COL6A2: variants seen among roughly 807,000 people sequenced by gnomAD.
COL6A2 encodes collagen type VI alpha 2 chain.
Under a neutral mutation model 124.9 loss-of-function variants are expected in COL6A2, and 90 were observed. The ratio of observed to expected loss-of-function variants is 0.72; its 90% confidence interval spans 0.61 to 0.86. The LOEUF is 0.86. Among genes scored for constraint, COL6A2 ranks in the 40% least tolerant of loss-of-function variants. The pLI, the probability that COL6A2 is intolerant of heterozygous loss-of-function variation, is 0.00. For synonymous variants in COL6A2, 793 were observed against 618.2 expected (o/e 1.28, Z -4.19); for missense variants, 1,607 against 1,502.5 (o/e 1.07, Z -1.15).
Position 46,118,533 on chromosome 21 carries a change from G to T in COL6A2, c.1117-81G>T, listed in dbSNP as rs566788041. 32 of 1,368,864 alleles carry T rather than the reference G, an allele frequency of 2.3e-5. 1 individual carries two copies. The South Asian group carries it at 3.9e-4, about 17-fold the overall frequency. 84.8% of individuals were successfully genotyped at this position (1,368,864 alleles called of 1,614,324 possible). ...GAGGTGCAGTCCCAAGCCCGACCGT[G>T]GGTCCTGCCCCCGCAGCGGGCATCC... is the stretch of plus-strand genomic sequence containing the variant. On this transcript the variant is annotated intron_variant, in intron 12 of 27. Coordinates refer to ENST00000300527, the MANE Select transcript of COL6A2 (RefSeq NM_001849.4).
At chr21:46,128,538 C>T (rs2078709392) in intron 27 of COL6A2, among the ~76,000 whole-genome samples, 1 of 152,228 alleles carries the variant, frequency 6.6e-6, no homozygotes, top group Non-Finnish European at 1.5e-5. Context: ...AGCCCAGCCA[C>T]CCTGGGCCTG....
At position 46,113,297 on chromosome 21, in the gene COL6A2, A is replaced by G. The variant is rs559647379; in HGVS notation, c.735+473A>G. On this transcript the variant is annotated intron_variant, in intron 4 of 27. Coordinates refer to ENST00000300527, the MANE Select transcript of COL6A2 (RefSeq NM_001849.4). ...TGCCTCAGAATCGCTGCTCAGTAAC[A>G]GTGGTTTCATTGCCGTGTACAAATG... Among the ~76,000 whole-genome samples, 11 of 152,264 alleles carry G rather than the reference A, an allele frequency of 7.2e-5. No homozygotes were observed. The South Asian group carries it at 1.9e-3, about 26-fold the overall frequency.
intron 1 of COL6A2, 78 bp from the exon 2 acceptor site, chr21:46,111,372 G>A: frequency 1.3e-6 from 1 of 783,698 alleles, no homozygotes; most frequent in Non-Finnish European, 2.2e-6. Context: ...CTGACCTGCT[G>A]TGCGTGCGCC....
chr21:46,110,688 T>C (rs3810590), intron 1 of COL6A2, among the ~76,000 whole-genome samples: 74,796 of 151,926 alleles, frequency 0.49, 19,097 homozygotes, highest in Admixed American at 0.59. Flanking sequence ...ATCCCTGCAT[T>C]ACCCCTGGAA....
intron 18 of COL6A2, 124 bp from the exon 19 acceptor site, chr21:46,121,984 C>A: frequency 9.8e-7 from 1 of 1,018,754 alleles, no homozygotes; most frequent in Non-Finnish European, 1.5e-6. Context: ...CTGCTCACAG[C>A]CAGAACTCGA....
Position 46,132,126 on chromosome 21 carries a change from G to A in COL6A2, c.2634G>A (p.Ala878=), listed in dbSNP as rs143749884. ...ACGACCCTCTCAACGCACGCGTGGC[G>A]CTGCTGCAGTTTGGTGGCCCCGGCG... ...RDDDPLNARV[A]LLQFGGPGEQ... The change falls in exon 28 of 28, where the codon GCG becomes GCA. Residue 878 remains alanine, a synonymous_variant. Transcript: ENST00000300527. 482 of 1,579,578 alleles carry A rather than the reference G, an allele frequency of 3.1e-4. 3 individuals are homozygous for A. The South Asian group carries it at 4.7e-3, about 16-fold the overall frequency.
At position 46,126,664 on chromosome 21, in the gene COL6A2, G is replaced by A. The variant is rs773925592; in HGVS notation, c.2461+123G>A. The A allele has an allele frequency of 2.1e-3, 2,505 of 1,180,738 alleles. 7 individuals carry two copies. The highest frequency in any genetic ancestry group is 2.6e-3 in the Non-Finnish European group (2,109 of 813,550). The allele number at this position is 1,180,738 out of a possible 1,614,324, so 73.1% of individuals were successfully genotyped here. ...ACCCGGGGGGCGGCGGAGCCACTGC[G>A]GAGGCTGCTCCTTAGGGAGATGGCC... On this transcript the variant is annotated intron_variant, in intron 27 of 27. Transcript: ENST00000300527.
chr21:46,113,045 C>A, intron 4 of COL6A2: 3 of 625,788 alleles, frequency 4.8e-6, no homozygotes, highest in Non-Finnish European at 8.5e-6. Flanking sequence ...GGGTCACCCA[C>A]AGAGCACGTG....
At chr21:46,129,841 C>T in intron 27 of COL6A2, 1 of 1,081,168 alleles carries the variant, frequency 9.2e-7, no homozygotes, top group Non-Finnish European at 1.1e-6. Flanking sequence ...TCAGGTCACC[C>T]TCACAGGCTC....
intron 21 of COL6A2, among the ~76,000 whole-genome samples, chr21:46,123,889 CAGTGGATAGATGGATGGGTGGGTGGATA>C (rs2078612180): frequency 1.0e-4 from 2 of 19,532 alleles, no homozygotes; most frequent in Admixed American, 1.3e-3. Context: ...ATGGGTGAGT[CAGTGGATAGATGGATGGGTGGGTGGATA>C]GAGGATGGAT....
Position 46,116,371 on chromosome 21 carries a change from C to T in COL6A2, c.901-6C>T, listed in dbSNP as rs2078470344. 11 of 1,613,012 alleles carry T rather than the reference C, an allele frequency of 6.8e-6. No individual in the cohort carries two copies. Among genetic ancestry groups the T allele is most frequent in the African/African-American group, 1.3e-5 (1 of 74,918 alleles). ...CACTAATGCCCCTCTCTCCTCCTGC[C>T]CCCAGGGCGTTCCTGGCTTCAAAGG... On this transcript the variant is annotated splice_region_variant and splice_polypyrimidine_tract_variant and intron_variant, in intron 7 of 27. Coordinates refer to ENST00000300527, the MANE Select transcript of COL6A2 (RefSeq NM_001849.4). This position sits in a 1 kb window ranked among gnomAD's most constrained non-coding sequence, Gnocchi z 4.6.
Position 46,101,697 on chromosome 21 carries a change from T to C in COL6A2, c.-28+3524T>C, listed in dbSNP as rs548993343. ...TGACGGCTTGATTGAAAGTCATATA[T>C]GCAAGGGTTTCTTTCTGGACTCTCT... On this transcript the variant is annotated intron_variant, in intron 1 of 27. Transcript: ENST00000300527. Among the ~76,000 whole-genome samples the C allele has an allele frequency of 2.5e-4, 38 of 152,318 alleles. 1 individual carries two copies. The highest frequency in any genetic ancestry group is 8.7e-4 in the African/African-American group (36 of 41,554).
At chr21:46,126,596 C>A in intron 27 of COL6A2, 55 bp downstream of exon 27, 1 of 1,607,104 alleles carries the variant, frequency 6.2e-7, no homozygotes, top group Non-Finnish European at 8.5e-7. Context: ...GCCCTGGTGT[C>A]CTTCCTCCTC....
At chr21:46,118,994 G>T (rs771184517) in intron 13 of COL6A2, 36 bp from the exon 14 acceptor site, 8 of 1,500,288 alleles carry the variant, frequency 5.3e-6, no homozygotes, top group Non-Finnish European at 7.4e-6. Context: ...CAGGGCCCCT[G>T]CCTCTGGGTG....
At position 46,132,495 on chromosome 21, in the gene COL6A2, C is replaced by T. The variant is rs756253502; in HGVS notation, c.3003C>T (p.Asp1001=). ...GCGCCGCCGTGTTCCACGAGAAGGA[C>T]TATGACAGCCTGGCGCAACCCGGCT... ...GDRAAVFHEK[D]YDSLAQPGFF... Residue 1001 remains aspartate, a synonymous_variant, in exon 28 of 28, where the codon GAC becomes GAT. Transcript: ENST00000300527. The T allele has an allele frequency of 1.9e-6, 3 of 1,607,986 alleles. No homozygotes were observed. The highest frequency in any genetic ancestry group is 2.2e-5 in the East Asian group (1 of 44,864).
At chr21:46,099,454 T>A in intron 1 of COL6A2, among the ~76,000 whole-genome samples, 1 of 37,526 alleles carries the variant, frequency 2.7e-5, no homozygotes, top group Non-Finnish European at 4.3e-5. Flanking sequence ...CGAGACTGTC[T>A]CAAAAAAAAA....
intron 4 of COL6A2, chr21:46,113,756 C>T: frequency 3.5e-6 from 2 of 575,002 alleles, no homozygotes; most frequent in Non-Finnish European, 3.1e-6. Flanking sequence ...ATGGCTTAAG[C>T]CAGGCTTGGT....
rs367951257 is a variant in COL6A2 at position 46,119,796 on chromosome 21, G to A, written c.1278G>A (p.Arg426=). ...PRGPKGEPGR[R]GDPGTKGSPG... The stretch of plus-strand genomic sequence containing the variant: ...ACGCCTGTTCTCTGCAGGGGCGCAG[G>A]GGAGACCCCGGCACCAAGGGCAGCC... The change falls in exon 15 of 28, where the codon AGG becomes AGA. Residue 426 remains arginine, a synonymous_variant. Transcript: ENST00000300527. 11 of 1,562,310 alleles carry A rather than the reference G, an allele frequency of 7.0e-6. No homozygotes were observed. The highest frequency in any genetic ancestry group is 1.3e-5 in the African/African-American group (1 of 74,216).
At chr21:46,117,368 C>T in intron 10 of COL6A2, 32 bp from the exon 11 acceptor site, 2 of 1,609,176 alleles carry the variant, frequency 1.2e-6, no homozygotes, top group Non-Finnish European at 1.7e-6. Flanking sequence ...AGAACCCCGC[C>T]CTGAGACTCC....
Sources: gnomAD v4.1 joint callset for allele counts (sites outside exome capture counted in the v4.1 genomes callset) on GRCh38, gnomAD v4.1.1 for gene constraint, Gnocchi (gnomAD v3.1) non-coding constraint, MANE v1.5 for transcripts, NCBI Gene and HGNC (gene_info 2026-07-23, HGNC 2026-07-21) for gene names.